Variants in KCNMA1 observed in about 807,000 individuals in gnomAD.
KCNMA1 encodes potassium calcium-activated channel subfamily M alpha 1.
Under a neutral mutation model 140.0 loss-of-function variants are expected in KCNMA1, and 29 were observed. The ratio of observed to expected loss-of-function variants is 0.21; its 90% CI spans 0.15 to 0.28. KCNMA1 has a LOEUF of 0.28. Ranked by LOEUF, KCNMA1 falls within the 10% of genes least tolerant of loss-of-function variation. KCNMA1 has a pLI of 1.00. For synonymous variants in KCNMA1, 612 were observed against 611.9 expected, an observed-to-expected ratio of 1.00 and a Z score of 0.00; for missense variants, 880 against 1,602.2, an observed-to-expected ratio of 0.55 and a Z score of 7.70.
chr10:76,885,177 T>C lies in KCNMA1; in HGVS notation c.*2089A>G. On this transcript the variant is annotated 3_prime_UTR_variant, in exon 28 of 28. Transcript: ENST00000286628. ...AGAATGCATGAAGAGCTCTTCATGA[T>C]CCAATACTAGGGGATACATATATAT... 8.3e-7 allele frequency: 1 copy of C among 1,201,232 alleles called. No individual in the cohort carries two copies. The highest frequency in any genetic ancestry group is 1.1e-6 in the Non-Finnish European group (1 of 949,116). The allele number at this position is 1,201,232 out of a possible 1,614,324, so 74.4% of individuals were successfully genotyped here.
intron 1 of KCNMA1, among the ~76,000 whole-genome samples, chr10:77,612,905 TTC>T (rs1278550617): frequency 1.3e-5 from 2 of 152,108 alleles, no homozygotes; most frequent in African/African-American, 2.4e-5. Flanking sequence ...CCTTTCTGGA[TTC>T]TCTCTCCCTA....
At chr10:77,432,495 T>C (rs1192233797) in intron 1 of KCNMA1, among the ~76,000 whole-genome samples, 2 of 152,180 alleles carry the variant, frequency 1.3e-5, no homozygotes, top group Admixed American at 6.5e-5. Context: ...GGAGTCACTG[T>C]CACAGCAACA....
At chr10:77,121,639 T>A (rs2097599266) in intron 5 of KCNMA1, among the ~76,000 whole-genome samples, 1 of 152,056 alleles carries the variant, frequency 6.6e-6, no homozygotes, top group Admixed American at 6.6e-5. Flanking sequence ...ATTTATATAG[T>A]TCCCCTTTTA....
intron 24 of KCNMA1, chr10:76,913,903 C>A (rs2051487856): frequency 1.6e-6 from 1 of 626,158 alleles, no homozygotes; most frequent in Non-Finnish European, 2.8e-6. Flanking sequence ...ACAGTCGATT[C>A]CAACCAGAGC....
At chr10:77,375,996 T>C (rs2095075596) in intron 2 of KCNMA1, among the ~76,000 whole-genome samples, 1 of 152,152 alleles carries the variant, frequency 6.6e-6, no homozygotes, top group South Asian at 2.1e-4. Flanking sequence ...GAGCTTACCT[T>C]CCAAGAACCC....
intron 1 of KCNMA1, among the ~76,000 whole-genome samples, chr10:77,533,951 C>T (rs2058295429): frequency 1.3e-5 from 2 of 152,162 alleles, no homozygotes; most frequent in Non-Finnish European, 2.9e-5. Flanking sequence ...GAGAACCCTT[C>T]CCTCTCTTGC....
At chr10:77,439,721 G>A (rs1432600403) in intron 1 of KCNMA1, among the ~76,000 whole-genome samples, 1 of 152,126 alleles carries the variant, frequency 6.6e-6, no homozygotes, top group Non-Finnish European at 1.5e-5. Flanking sequence ...TGCTCCAGTG[G>A]GATTTTATTC....
chr10:77,155,924 C>A (rs1017840827), intron 5 of KCNMA1, among the ~76,000 whole-genome samples: 1 of 152,068 alleles, frequency 6.6e-6, no homozygotes, highest in African/African-American at 2.4e-5. Context: ...ATCTGTTTTA[C>A]ACCAAATTAA....
At chr10:77,398,799 C>T (rs10824540) in intron 2 of KCNMA1, among the ~76,000 whole-genome samples, 20,722 of 152,182 alleles carry the variant, frequency 0.14, 1,913 homozygotes, top group African/African-American at 0.25. Context: ...CTGAATTTGA[C>T]TACCACTGTT....
chr10:77,249,005 T>C (rs1742624163), intron 3 of KCNMA1, among the ~76,000 whole-genome samples: 1 of 152,162 alleles, frequency 6.6e-6, no homozygotes, highest in Non-Finnish European at 1.5e-5. Flanking sequence ...AACCAGAAGG[T>C]CTTCTTATAA....
intron 22 of KCNMA1, among the ~76,000 whole-genome samples, chr10:76,948,027 C>T (rs1285355641): frequency 6.6e-6 from 1 of 152,088 alleles, no homozygotes; most frequent in Middle Eastern, 3.4e-3. Context: ...TTGTTTGAGG[C>T]AGGCTCTTGT....
chr10:76,977,847 C>T, intron 19 of KCNMA1: 1 of 543,378 alleles, frequency 1.8e-6, no homozygotes, highest in Non-Finnish European at 3.3e-6. Context: ...TAGATTCATC[C>T]ACCCAGTACT....
intron 16 of KCNMA1, chr10:77,025,332 A>G (rs887064913): frequency 1.6e-6 from 1 of 637,864 alleles, no homozygotes; most frequent in South Asian, 2.0e-5. Context: ...ATGAGATTAT[A>G]TATACATATA....
chr10:77,393,371 G>A (rs549286706), intron 2 of KCNMA1, among the ~76,000 whole-genome samples: 4 of 152,260 alleles, frequency 2.6e-5, no homozygotes, highest in South Asian at 2.1e-4. Context: ...CATGGTGACC[G>A]GGCTCACACA....
intron 1 of KCNMA1, among the ~76,000 whole-genome samples, chr10:77,426,472 G>A (rs961525115): frequency 9.9e-5 from 15 of 152,284 alleles, no homozygotes; most frequent in Middle Eastern, 3.4e-3. Context: ...TTAGGTGAAC[G>A]ACTCGAGGTC....
At chr10:77,270,583 G>A (rs1435902962) in intron 2 of KCNMA1, among the ~76,000 whole-genome samples, 3 of 149,058 alleles carry the variant, frequency 2.0e-5, no homozygotes, top group Non-Finnish European at 3.0e-5. Flanking sequence ...GTGCGGTAGT[G>A]CAATGTCAGC....
At chr10:77,410,593 G>A (rs2096596452) in intron 1 of KCNMA1, among the ~76,000 whole-genome samples, 2 of 152,214 alleles carry the variant, frequency 1.3e-5, no homozygotes, top group Non-Finnish European at 2.9e-5. Flanking sequence ...TCATGTCACT[G>A]TTGTACCCAA....
At chr10:77,634,736 G>C (rs1256968170) in intron 1 of KCNMA1, 7 of 699,340 alleles carry the variant, frequency 1.0e-5, no homozygotes, top group Admixed American at 6.4e-5. Flanking sequence ...ATCGAGTCTT[G>C]ACAAAACTAC....
At chr10:77,055,668 C>T (rs949593700) in intron 14 of KCNMA1, among the ~76,000 whole-genome samples, 8 of 152,090 alleles carry the variant, frequency 5.3e-5, no homozygotes, top group Non-Finnish European at 1.2e-4. Context: ...AGAATGAAAA[C>T]CAAACCCTAT....
Sources: allele counts gnomAD v4.1 joint callset (sites outside exome capture counted in the v4.1 genomes callset), GRCh38; gene constraint gnomAD v4.1.1; transcripts MANE v1.5; gene names NCBI Gene and HGNC (gene_info 2026-07-23, HGNC 2026-07-21).